EGF: variants seen among roughly 807,000 people sequenced by gnomAD.
EGF encodes the protein epidermal growth factor, also known as pro-epidermal growth factor.
EGF carries 95 observed loss-of-function variants against 143.8 expected under a neutral mutation model. The observed-to-expected ratio is 0.66, with a 90% CI of 0.56 to 0.78. The LOEUF (loss-of-function observed/expected upper bound fraction) is 0.78. Ranked by LOEUF, EGF falls within the 30% of genes least tolerant of loss-of-function variation. EGF has a pLI of 0.00. For synonymous variants in EGF, 510 were observed against 510.5 expected (o/e 1.00, Z 0.01); for missense variants, 1,320 against 1,470.9 (o/e 0.90, Z 1.68).
chr4:109,974,536 G>A (rs1193230302), intron 11 of EGF, among the ~76,000 whole-genome samples, 167 bp from the exon 12 acceptor site: 2 of 152,158 alleles, frequency 1.3e-5, no homozygotes, highest in African/African-American at 4.8e-5. Flanking sequence ...CTGCTACTTT[G>A]TTTGTGGGTG....
At chr4:109,983,337 T>TG in intron 15 of EGF, 85 bp from the exon 16 acceptor site, 1 of 1,477,684 alleles carries the variant, frequency 6.8e-7, no homozygotes, top group African/African-American at 1.4e-5. Context: ...TCACAACCAA[T>TG]GAATAGTCGT....
chr4:109,939,389 G>T (rs11568870), intron 1 of EGF, among the ~76,000 whole-genome samples: 2 of 152,234 alleles, frequency 1.3e-5, no homozygotes, highest in Non-Finnish European at 2.9e-5. Flanking sequence ...TGCAAAGACC[G>T]TGGGAAAAGC....
At position 109,959,270 on chromosome 4, in the gene EGF, C is replaced by A. The variant is rs1432048935; in HGVS notation, c.941-42C>A. ...GAAAAGATTTAGCAGTGTCCTCTGT[C>A]AAAACACGGCCCCACTCCAAATAAA... is the stretch of plus-strand genomic sequence containing the variant. On this transcript the variant is annotated intron_variant, in intron 5 of 23. Transcript: ENST00000265171. 3.1e-6 allele frequency: 5 copies of A among 1,612,840 alleles called. No homozygotes were observed. In the South Asian group the frequency reaches 5.5e-5, roughly 18 times the overall value.
Position 109,999,831 on chromosome 4 carries a change from G to A in EGF, c.3158G>A (p.Gly1053Glu). The A allele has an allele frequency of 6.2e-7, 1 of 1,613,502 alleles. No homozygotes were observed. Among genetic ancestry groups the A allele is most frequent in the Non-Finnish European group, 8.5e-7 (1 of 1,180,042 alleles). The change falls in exon 21 of 24, where the codon GGG becomes GAG. Residue 1053 changes from glycine (G) to glutamate (E), a missense_variant. Transcript: ENST00000265171. ...LVMLLLLSLW[G>E]AHYYRTQKLL... ...ATGCTGCTCCTCCTGAGCCTGTGGGGGGCCCACTACTACAGGTGACCCTGT... is the reference window on the plus strand; with the variant it reads ...ATGCTGCTCCTCCTGAGCCTGTGGGAGGCCCACTACTACAGGTGACCCTGT...
At chr4:109,990,696 T>C (rs1750812359) in intron 18 of EGF, among the ~76,000 whole-genome samples, 1 of 152,206 alleles carries the variant, frequency 6.6e-6, no homozygotes, top group South Asian at 2.1e-4. Context: ...GATTTGGTTT[T>C]GGGTGAAGGA....
At chr4:109,947,042 C>T (rs1476384807) in intron 5 of EGF, among the ~76,000 whole-genome samples, 2 of 152,002 alleles carry the variant, frequency 1.3e-5, no homozygotes, top group Non-Finnish European at 2.9e-5. Flanking sequence ...TCACTTGAAC[C>T]CAGGAGGCAG....
intron 10 of EGF, among the ~76,000 whole-genome samples, chr4:109,968,477 G>A (rs916599265): frequency 6.6e-6 from 1 of 152,008 alleles, no homozygotes; most frequent in Non-Finnish European, 1.5e-5. Flanking sequence ...AGCCACAGTA[G>A]TTCAAGCATG....
chr4:109,919,855 T>C (rs1187197440), intron 1 of EGF, among the ~76,000 whole-genome samples: 3 of 151,624 alleles, frequency 2.0e-5, no homozygotes, highest in African/African-American at 7.3e-5. Flanking sequence ...AATTTCACTA[T>C]AAAAAAGAAA....
At chr4:109,932,727 G>A (rs961030934) in intron 1 of EGF, among the ~76,000 whole-genome samples, 1 of 152,032 alleles carries the variant, frequency 6.6e-6, no homozygotes, top group Non-Finnish European at 1.5e-5. Flanking sequence ...TCACCAATAT[G>A]TCAATGCATT....
chr4:109,969,646 G>T (rs1465608726), intron 11 of EGF, among the ~76,000 whole-genome samples: 1 of 152,032 alleles, frequency 6.6e-6, no homozygotes, highest in Non-Finnish European at 1.5e-5. Context: ...TCAGGCTTTT[G>T]TTATCAGGGA....
At chr4:109,927,182 A>C (rs1386348898) in intron 1 of EGF, among the ~76,000 whole-genome samples, 1 of 152,222 alleles carries the variant, frequency 6.6e-6, no homozygotes, top group African/African-American at 2.4e-5. Context: ...AAATTTTGTG[A>C]TTTTGTAAAT....
Position 109,976,150 on chromosome 4 carries a change from G to T in EGF, c.1968G>T (p.Leu656Phe). 1.9e-6 allele frequency: 3 copies of T among 1,614,148 alleles called. No homozygotes were observed. The highest frequency in any genetic ancestry group is 2.5e-6 in the Non-Finnish European group (3 of 1,180,006). ...GITIDFLTDK[L>F]YWCDAKQSVI... ...CGATTGACTTCTTAACTGACAAGTT[G>T]TACTGGTGCGATGCCAAGCAGTCTG... Residue 656 changes from leucine (L) to phenylalanine (F), a missense_variant, in exon 13 of 24, where the codon TTG becomes TTT. By Grantham distance (22) the Leu-to-Phe change is conservative (BLOSUM62 0). This residue lies in a region of EGF where 1,186 missense variants were observed against 1,313.7 expected (regional missense o/e 0.90). Coordinates refer to ENST00000265171, the MANE Select transcript of EGF (RefSeq NM_001963.6).
chr4:109,996,111 G>C (rs1176095853), intron 20 of EGF, among the ~76,000 whole-genome samples: 1 of 152,092 alleles, frequency 6.6e-6, no homozygotes, highest in South Asian at 2.1e-4. Flanking sequence ...AAAAATAAAT[G>C]TCCGAATGTA....
In EGF at chr4:109,983,541, G is replaced by C. The variant is rs982758728; in HGVS notation, c.2491G>C (p.Asp831His). The change falls in exon 16 of 24, where the codon GAT becomes CAT. Residue 831 changes from aspartate to histidine, a missense_variant and splice_region_variant. Asp to His is a moderately conservative substitution (Grantham distance 81, BLOSUM62 -1). Coordinates refer to ENST00000265171, the MANE Select transcript of EGF (RefSeq NM_001963.6). ...HMLVAEIMVS[D>H]QDDCAPVGCS... ...GCTAGTGGCTGAAATCATGGTGTCA[G>C]GTATGAATAACTAGTTCTCCAATAT... The C allele has an allele frequency of 6.2e-7, 1 of 1,613,588 alleles. No homozygotes were observed. The highest frequency in any genetic ancestry group is 1.3e-5 in the African/African-American group (1 of 74,996).
intron 17 of EGF, among the ~76,000 whole-genome samples, chr4:109,988,307 T>C (rs1473964227): frequency 6.6e-6 from 1 of 152,096 alleles, no homozygotes; most frequent in Non-Finnish European, 1.5e-5. Flanking sequence ...AATTTAACGA[T>C]TGCTGGAAAG....
Position 109,987,857 on chromosome 4 carries a change from T to A in EGF, c.2605T>A (p.Ser869Thr), listed in dbSNP as rs776887325. The change falls in exon 17 of 24, where the codon TCT becomes ACT. Residue 869 changes from serine to threonine, a missense_variant. Ser to Thr is a moderately conservative substitution (Grantham distance 58). Transcript: ENST00000265171. The part of the protein sequence containing the change: ...KGFAGDGKLC[S>T]DIDECEMGVP... ...ATTTGCTGGGGATGGAAAACTATGT[T>A]CTGGTAAGAGAAAAGGGCAAATTCA... 6.2e-7 allele frequency: 1 copy of A among 1,612,514 alleles called. No individual in the cohort carries two copies. Among genetic ancestry groups the A allele is most frequent in the Non-Finnish European group, 8.5e-7 (1 of 1,178,602 alleles).
intron 22 of EGF, among the ~76,000 whole-genome samples, 165 bp from the exon 23 acceptor site, chr4:110,007,987 T>C (rs1160078303): frequency 6.6e-6 from 1 of 152,216 alleles, no homozygotes; most frequent in South Asian, 2.1e-4. Context: ...TCACTGAATG[T>C]TGAATCTCTC....
intron 23 of EGF, 121 bp downstream of exon 23, chr4:110,008,351 A>C (rs530022723): frequency 5.6e-6 from 7 of 1,243,052 alleles, no homozygotes; most frequent in South Asian, 2.6e-5. Flanking sequence ...AAATTGTATA[A>C]GCTATGTGAA....
At chr4:110,000,835 G>A (rs193181488) in intron 21 of EGF, among the ~76,000 whole-genome samples, 2 of 152,286 alleles carry the variant, frequency 1.3e-5, no homozygotes, top group Admixed American at 6.5e-5. Context: ...GGACTTTATG[G>A]AATTATCTAG....
Sources: gnomAD v4.1 joint callset for allele counts (sites outside exome capture counted in the v4.1 genomes callset) on GRCh38, gnomAD v4.1.1 for gene constraint, gnomAD v4.1.1 regional missense constraint, MANE v1.5 for transcripts, NCBI Gene and HGNC (gene_info 2026-07-23, HGNC 2026-07-21) for gene names.